FAT1: variants seen among roughly 807,000 people sequenced by gnomAD.
The protein encoded by FAT1 is protocadherin Fat 1.
A neutral mutation model predicts 329.8 loss-of-function variants in FAT1; 171 were observed. That is an observed-to-expected ratio of 0.52 (90% confidence interval 0.46 to 0.59). The LOEUF (loss-of-function observed/expected upper bound fraction) is 0.59. Among genes scored for constraint, FAT1 ranks in the 20% least tolerant of loss-of-function variants. The pLI is 0.00. For synonymous variants in FAT1, 2,233 were observed against 2,228.6 expected (o/e 1.00, Z -0.06); for missense variants, 5,672 against 5,774.4 (o/e 0.98, Z 0.57).
intron 4 of FAT1, among the ~76,000 whole-genome samples, chr4:186,638,687 T>A (rs911559360): frequency 2.6e-5 from 4 of 151,398 alleles, no homozygotes; most frequent in Non-Finnish European, 5.9e-5. Context: ...ACTGACAACG[T>A]TAAGAAAATT....
At chr4:186,613,488 C>T in intron 12 of FAT1, 146 bp from the exon 13 acceptor site, 1 of 665,250 alleles carries the variant, frequency 1.5e-6, no homozygotes, top group South Asian at 1.9e-5. Flanking sequence ...ATGACAGATT[C>T]AACAGCTGCA....
intron 3 of FAT1, among the ~76,000 whole-genome samples, chr4:186,661,940 T>TA (rs147062534): frequency 2.3e-3 from 354 of 152,046 alleles, no homozygotes; most frequent in African/African-American, 8.0e-3. Flanking sequence ...TGTCTCCAGG[T>TA]AAAAAAATGT....
rs1744058731 is a variant in FAT1 at position 186,696,715 on chromosome 4, G to A, written c.3265+9848C>T. ...TTTCCATAGAGGTCAAAGAACATACGGCAAGTCCATTTAAATAAAAATTCT... is the reference window on the plus strand; with the variant it reads ...TTTCCATAGAGGTCAAAGAACATACAGCAAGTCCATTTAAATAAAAATTCT... On this transcript the variant is annotated intron_variant, in intron 2 of 26. Transcript: ENST00000441802. 2.0e-5 allele frequency among the ~76,000 whole-genome samples: 3 copies of A among 152,098 alleles called. No individual in the cohort carries two copies. In the South Asian group the frequency reaches 6.2e-4, roughly 32 times the overall value.
In FAT1 at chr4:186,619,982, C is replaced by T. The variant is rs369872197; in HGVS notation, c.6604G>A (p.Val2202Ile). ...TCCGGGCTGTTAGCCTGCACGTGGA[C>T]CACAGGGCTGTGCACCTGGATGCTC... ...AESIQVHSPV[V>I]HVQANSPEGL... The change falls in exon 10 of 27, where the codon GTC (valine) becomes ATC (isoleucine). Residue 2202 changes from valine to isoleucine, a missense_variant. Val to Ile is a conservative substitution (Grantham distance 29, BLOSUM62 3). Transcript: ENST00000441802. 13 of 1,613,856 alleles carry T rather than the reference C, an allele frequency of 8.1e-6. No individual in the cohort carries two copies. The highest frequency in any genetic ancestry group is 3.3e-5 in the Admixed American group (2 of 60,004).
Position 186,620,387 on chromosome 4 carries a change from C to G in FAT1, c.6199G>C (p.Val2067Leu), listed in dbSNP as rs980333559. 6.2e-7 allele frequency: 1 copy of G among 1,614,016 alleles called. No individual in the cohort carries two copies. Among genetic ancestry groups the G allele is most frequent in the African/African-American group, 1.3e-5 (1 of 75,050 alleles). The change falls in exon 10 of 27, where the codon GTG (valine) becomes CTG (leucine). Residue 2067 changes from valine (V) to leucine (L), a missense_variant. By Grantham distance (32) the Val-to-Leu change is conservative (BLOSUM62 1). Around this residue, in one of 2 missense-constraint regions of FAT1, gnomAD observed 3,966 missense variants for 3,915.2 expected, o/e 1.01. Coordinates refer to ENST00000441802, the MANE Select transcript of FAT1 (RefSeq NM_005245.4). The stretch of plus-strand genomic sequence containing the variant: ...TTTTGGTCTTCTACAATGACCTTCA[C>G]GACAACGTGGGCCACTGCAGAAGGC... ...HKPSAVAHVVVKVIVEDQNDN... is the reference protein window; with the variant it reads ...HKPSAVAHVVLKVIVEDQNDN...
intron 3 of FAT1, among the ~76,000 whole-genome samples, chr4:186,651,037 T>TACTATTATTAAATA (rs1487798248): frequency 1.3e-5 from 2 of 148,932 alleles, no homozygotes; most frequent in Non-Finnish European, 3.0e-5. Flanking sequence ...TTAAATAATT[T>TACTATTATTAAATA]ATTTACTATT....
At chr4:186,688,420 G>A (rs1488814379) in intron 2 of FAT1, among the ~76,000 whole-genome samples, 6 of 152,048 alleles carry the variant, frequency 3.9e-5, no homozygotes, top group Admixed American at 1.3e-4. Context: ...AGGTAATCGC[G>A]GACCCCATGT....
chr4:186,679,903 A>G (rs904974500), intron 2 of FAT1, among the ~76,000 whole-genome samples: 3 of 152,192 alleles, frequency 2.0e-5, no homozygotes, highest in African/African-American at 7.2e-5. Flanking sequence ...AAACTCAAGA[A>G]TTTTTTATAA....
intron 2 of FAT1, among the ~76,000 whole-genome samples, chr4:186,676,206 G>A (rs1359604898): frequency 6.6e-6 from 1 of 150,636 alleles, no homozygotes; most frequent in Admixed American, 6.6e-5. Context: ...TCAGTTATGA[G>A]TTCCTGCTTG....
At chr4:186,611,328 G>A (rs1037254625) in intron 14 of FAT1, 58 bp downstream of exon 14, 1 of 1,503,850 alleles carries the variant, frequency 6.6e-7, no homozygotes, top group Non-Finnish European at 9.0e-7. Flanking sequence ...ACGTGGTTAA[G>A]CAAATCTAGT....
chr4:186,619,144 G>A lies in FAT1; in HGVS notation c.7442C>T (p.Thr2481Ile). The change falls in exon 10 of 27, where the codon ACT becomes ATT. Residue 2481 changes from threonine (T) to isoleucine (I), a missense_variant. By Grantham distance (89) the Thr-to-Ile change is moderately conservative (BLOSUM62 -1). Coordinates refer to ENST00000441802, the MANE Select transcript of FAT1 (RefSeq NM_005245.4). Reference protein sequence around the residue: ...VFRSSTQVHVTVIGGNLHSPA... With the variant: ...VFRSSTQVHVIVIGGNLHSPA... The stretch of plus-strand genomic sequence containing the variant: ...ACTGTGCAAATTGCCTCCAATTACA[G>A]TTACATGAACCTGGGTGGAACTTCT... The A allele has an allele frequency of 6.2e-7, 1 of 1,613,998 alleles. No individual in the cohort carries two copies. Among genetic ancestry groups the A allele is most frequent in the African/African-American group, 1.3e-5 (1 of 75,060 alleles).
chr4:186,698,629 C>T (rs186596467), intron 2 of FAT1, among the ~76,000 whole-genome samples: 8 of 152,254 alleles, frequency 5.3e-5, no homozygotes, highest in East Asian at 3.9e-4. Flanking sequence ...CAGAAAACGG[C>T]GAGGCACAGA....
Position 186,706,776 on chromosome 4 carries a change from C to T in FAT1, c.3052G>A (p.Val1018Ile), listed in dbSNP as rs771711678. The T allele has an allele frequency of 1.9e-6, 3 of 1,614,016 alleles. No homozygotes were observed. Residue 1018 changes from valine to isoleucine, a missense_variant, in exon 2 of 27, where the codon GTT becomes ATT. Val to Ile is a conservative substitution (Grantham distance 29). This residue lies in a region of FAT1 where 3,966 missense variants were observed against 3,915.2 expected (regional missense o/e 1.01). Transcript: ENST00000441802. ...KPVSLSSTCY[V>I]EVEVVDVNEN... ...TTCACATCAACCACCTCAACTTCAA[C>T]ATAGCAAGTAGAAGACAGAGAAACT...
chr4:186,610,190 C>T (rs1237873312), intron 14 of FAT1, 175 bp from the exon 15 acceptor site: 1 of 579,554 alleles, frequency 1.7e-6, no homozygotes, highest in Non-Finnish European at 3.1e-6. Context: ...TGAATCTGCC[C>T]ATCCCTGGAT....
chr4:186,679,953 T>C (rs1207343127), intron 2 of FAT1, among the ~76,000 whole-genome samples: 1 of 152,204 alleles, frequency 6.6e-6, no homozygotes, highest in Non-Finnish European at 1.5e-5. Flanking sequence ...TTATAAATTC[T>C]CAATCAACCA....
chr4:186,709,552 G>A lies in FAT1; in HGVS notation c.276C>T (p.Asp92=), dbSNP rs1382740066. 1.9e-6 allele frequency: 3 copies of A among 1,613,936 alleles called. No homozygotes were observed. Among genetic ancestry groups the A allele is most frequent in the Non-Finnish European group, 2.5e-6 (3 of 1,179,888 alleles). ...LFKAEEYILG[D]FCFLRIRTKG... ...TGGTCCTTATTCTTAGAAAGCAAAAGTCTCCGAGAATGTACTCTTCAGCTT... is the reference window on the plus strand; with the variant it reads ...TGGTCCTTATTCTTAGAAAGCAAAAATCTCCGAGAATGTACTCTTCAGCTT... Residue 92 remains aspartate (D), a synonymous_variant, in exon 2 of 27, where the codon GAC becomes GAT. Coordinates refer to ENST00000441802, the MANE Select transcript of FAT1 (RefSeq NM_005245.4).
chr4:186,725,336 C>G (rs899831400), upstream of FAT1, among the ~76,000 whole-genome samples: 8 of 151,890 alleles, frequency 5.3e-5, no homozygotes, highest in African/African-American at 1.5e-4. The surrounding 1 kb of genome is among the most constrained non-coding windows in gnomAD (Gnocchi z 5.4). Context: ...GGGAGTAATG[C>G]TAAAAGGGGA....
At chr4:186,648,439 A>G (rs1327011361) in intron 3 of FAT1, among the ~76,000 whole-genome samples, 1 of 152,190 alleles carries the variant, frequency 6.6e-6, no homozygotes, top group African/African-American at 2.4e-5. Context: ...CTCCTTAGAA[A>G]TATTGAAGTG....
rs200902471 is a variant in FAT1 at position 186,707,715 on chromosome 4, C to T, written c.2113G>A (p.Asp705Asn). 13 of 1,613,778 alleles carry T rather than the reference C, an allele frequency of 8.1e-6. No homozygotes were observed. The African/African-American group carries it at 1.1e-4, about 13-fold the overall frequency. Residue 705 changes from aspartate (D) to asparagine (N), a missense_variant, in exon 2 of 27, where the codon GAT becomes AAT. This residue lies in a region of FAT1 where 3,966 missense variants were observed against 3,915.2 expected (regional missense o/e 1.01). Coordinates refer to ENST00000441802, the MANE Select transcript of FAT1 (RefSeq NM_005245.4). ...NQGEVEDIFF[D>N]SHSVNAHIPQ... ...ATGTGAGCATTGACAGAGTGAGAAT[C>T]GAAGAAAATATCCTCCACCTCTCCC...
Sources: gnomAD v4.1 joint callset for allele counts (sites outside exome capture counted in the v4.1 genomes callset) on GRCh38, gnomAD v4.1.1 for gene constraint, gnomAD v4.1.1 regional missense constraint, Gnocchi (gnomAD v3.1) non-coding constraint, MANE v1.5 for transcripts, NCBI Gene and HGNC (gene_info 2026-07-23, HGNC 2026-07-21) for gene names.